Variants in METTL15 observed in about 807,000 individuals in gnomAD.
METTL15 encodes the protein methyltransferase 15, mitochondrial 12S rRNA N4-cytidine.
METTL15 carries 34 observed loss-of-function variants against 38.3 expected under a neutral mutation model. The ratio of observed to expected loss-of-function variants is 0.89; its 90% CI spans 0.68 to 1.18. The LOEUF (loss-of-function observed/expected upper bound fraction) is 1.18. Ranked by LOEUF, METTL15 falls within the 50% of genes most tolerant of loss-of-function variation. The pLI is 0.00. For missense variants in METTL15, 438 were observed against 498.4 expected, an observed-to-expected ratio of 0.88 and a Z score of 1.15; for synonymous variants, 162 against 170.9, an observed-to-expected ratio of 0.95 and a Z score of 0.41.
At chr11:28,283,935 A>T (rs1034246481) in intron 4 of METTL15, among the ~76,000 whole-genome samples, 1 of 152,260 alleles carries the variant, frequency 6.6e-6, no homozygotes, top group South Asian at 2.1e-4. Context: ...GGAAAAGAAG[A>T]AGTAAAGGAA....
intron 4 of METTL15, among the ~76,000 whole-genome samples, chr11:28,233,064 C>G (rs1397263006): frequency 1.3e-5 from 2 of 151,910 alleles, no homozygotes; most frequent in Admixed American, 6.6e-5. Flanking sequence ...AAATTATGCC[C>G]TTAACAATCT....
downstream of METTL15, among the ~76,000 whole-genome samples, chr11:28,336,461 TC>T (rs532171361): frequency 9.2e-5 from 14 of 152,298 alleles, no homozygotes; most frequent in Admixed American, 2.6e-4. Context: ...GAAAGAGTTT[TC>T]TAATTCTGCA....
intron 4 of METTL15, among the ~76,000 whole-genome samples, chr11:28,359,674 G>C (rs1038286108): frequency 2.0e-5 from 3 of 152,106 alleles, no homozygotes; most frequent in Non-Finnish European, 4.4e-5. Context: ...CTGAGGATTA[G>C]TGACAATGAG....
intron 3 of METTL15, among the ~76,000 whole-genome samples, chr11:28,151,171 A>G (rs940779822): frequency 1.3e-5 from 2 of 151,746 alleles, no homozygotes; most frequent in Non-Finnish European, 2.9e-5. Flanking sequence ...CAAAGTTATA[A>G]CTCTAAATAT....
chr11:28,168,851 A>G (rs545878769), intron 3 of METTL15, among the ~76,000 whole-genome samples: 9 of 152,248 alleles, frequency 5.9e-5, no homozygotes, highest in African/African-American at 2.2e-4. Context: ...CCGGTGGGAA[A>G]ATGCTGACAC....
downstream of METTL15, among the ~76,000 whole-genome samples, chr11:28,530,187 G>A (rs1389629114): frequency 6.6e-6 from 1 of 152,076 alleles, no homozygotes; most frequent in Non-Finnish European, 1.5e-5. Context: ...TATGCCTGTT[G>A]GCATTTGGTG....
At chr11:28,291,119 G>T (rs1441381942) in intron 5 of METTL15, among the ~76,000 whole-genome samples, 2 of 145,562 alleles carry the variant, frequency 1.4e-5, no homozygotes, top group Non-Finnish European at 3.0e-5. Flanking sequence ...GCATGATCTC[G>T]CACTGCAACC....
Position 28,165,559 on chromosome 11 carries a change from A to G in METTL15, c.271-45503A>G, listed in dbSNP as rs139568798. Among the ~76,000 whole-genome samples the G allele has an allele frequency of 1.1e-3, 165 of 152,024 alleles. 5 individuals carry two copies. The East Asian group carries it at 0.028, about 26-fold the overall frequency. The stretch of plus-strand genomic sequence containing the variant: ...TGCTATTTAGTTTTTTGAGTTTGTT[A>G]ACTCCTTATTAGATGTATGGTTTGC... On this transcript the variant is annotated intron_variant, in intron 3 of 6. Coordinates refer to ENST00000407364, the MANE Select transcript of METTL15 (RefSeq NM_001113528.2).
intron 6 of METTL15, among the ~76,000 whole-genome samples, chr11:28,309,141 T>C (rs1857185513): frequency 6.6e-6 from 1 of 152,198 alleles, no homozygotes; most frequent in Non-Finnish European, 1.5e-5. Context: ...TGTATAATGT[T>C]GAAATTTTCA....
At chr11:28,465,412 A>G (rs1396029450) in intron 6 of METTL15, among the ~76,000 whole-genome samples, 1 of 152,056 alleles carries the variant, frequency 6.6e-6, no homozygotes, top group Non-Finnish European at 1.5e-5. Context: ...ATTGACTTCC[A>G]TATCCTGATG....
At chr11:28,486,153 G>A (rs1357241501) in intron 6 of METTL15, among the ~76,000 whole-genome samples, 1 of 152,126 alleles carries the variant, frequency 6.6e-6, no homozygotes, top group South Asian at 2.1e-4. Flanking sequence ...AACACTTAGA[G>A]GTGGTAATAA....
downstream of METTL15, among the ~76,000 whole-genome samples, chr11:28,528,290 A>G (rs907375041): frequency 6.6e-6 from 1 of 152,198 alleles, no homozygotes; most frequent in Non-Finnish European, 1.5e-5. Flanking sequence ...AAAAGGGACT[A>G]TCTAAGCCCA....
chr11:28,403,574 A>C (rs1256955383), intron 5 of METTL15, among the ~76,000 whole-genome samples: 3 of 151,846 alleles, frequency 2.0e-5, no homozygotes, highest in South Asian at 4.1e-4. Flanking sequence ...ATATGACCAA[A>C]ATTAGTCAGT....
At chr11:28,375,908 C>T (rs985619133) in intron 5 of METTL15, among the ~76,000 whole-genome samples, 3 of 151,724 alleles carry the variant, frequency 2.0e-5, no homozygotes, top group African/African-American at 7.3e-5. Context: ...TTATTTCTGC[C>T]TTCATTTCGT....
At chr11:28,465,763 G>C (rs1036894477) in intron 6 of METTL15, among the ~76,000 whole-genome samples, 6 of 152,072 alleles carry the variant, frequency 3.9e-5, no homozygotes, top group African/African-American at 1.4e-4. Flanking sequence ...TGACATTTTG[G>C]GCTAGATAAT....
chr11:28,412,703 A>G (rs918197015), intron 5 of METTL15, among the ~76,000 whole-genome samples: 7 of 152,044 alleles, frequency 4.6e-5, no homozygotes, highest in Non-Finnish European at 8.8e-5. Flanking sequence ...TTAGAAGCAC[A>G]GGGACAGAGA....
intron 3 of METTL15, among the ~76,000 whole-genome samples, chr11:28,143,470 A>G (rs571778656): frequency 3.3e-5 from 5 of 152,014 alleles, no homozygotes; most frequent in Admixed American, 6.6e-5. Flanking sequence ...TTTTTTCAAA[A>G]ACTACTGAAG....
intron 4 of METTL15, among the ~76,000 whole-genome samples, chr11:28,215,790 T>C (rs1852838816): frequency 6.6e-6 from 1 of 152,102 alleles, no homozygotes; most frequent in Admixed American, 6.6e-5. Context: ...CTCACCACTT[T>C]GTGAGGCCAA....
chr11:28,256,960 G>A (rs963258110), intron 4 of METTL15, among the ~76,000 whole-genome samples: 1 of 151,980 alleles, frequency 6.6e-6, no homozygotes, highest in Admixed American at 6.6e-5. Flanking sequence ...TGTCCCACTG[G>A]CCATTTAGGA....
Sources: allele counts gnomAD v4.1 joint callset (sites outside exome capture counted in the v4.1 genomes callset), GRCh38; gene constraint gnomAD v4.1.1; transcripts MANE v1.5; gene names NCBI Gene and HGNC (gene_info 2026-07-23, HGNC 2026-07-21).